Variants in OXCT1 observed in about 807,000 individuals in gnomAD.
The protein encoded by OXCT1 is succinyl-CoA:3-ketoacid coenzyme A transferase 1, mitochondrial.
Under a neutral mutation model 69.6 loss-of-function variants are expected in OXCT1, and 27 were observed. The ratio of observed to expected loss-of-function variants is 0.39; its 90% CI spans 0.29 to 0.54. The LOEUF (loss-of-function observed/expected upper bound fraction) is 0.54, where lower values mean the gene tolerates loss of function less well. Ranked by LOEUF, OXCT1 falls within the 20% of genes least tolerant of loss-of-function variation. OXCT1 has a pLI of 0.72. For synonymous variants in OXCT1, 202 were observed against 217.8 expected, an observed-to-expected ratio of 0.93 and a Z score of 0.64; for missense variants, 437 against 650.2, an observed-to-expected ratio of 0.67 and a Z score of 3.57.
intron 7 of OXCT1, among the ~76,000 whole-genome samples, chr5:41,837,357 T>C (rs552959244): frequency 7.2e-5 from 11 of 152,052 alleles, no homozygotes; most frequent in East Asian, 1.9e-4. Context: ...GTCACACTGT[T>C]ATGCCTCCCA....
intron 5 of OXCT1, among the ~76,000 whole-genome samples, chr5:41,844,918 C>T (rs1266368777): frequency 6.6e-6 from 1 of 150,474 alleles, no homozygotes; most frequent in Non-Finnish European, 1.5e-5. Flanking sequence ...CCCTCTCTCG[C>T]TGCTTCTGCT....
chr5:41,807,345 C>A lies in OXCT1; in HGVS notation c.826G>T (p.Glu276Ter). ...VHRLIKGEKY[E>*]KRIERLSIRK... ...AAGTCAATTACCTCAATTCTTTTCT[C>A]ATATTTTTCTCCCTTTATAAGGCGA... is the stretch of plus-strand genomic sequence containing the variant. Residue 276 changes from glutamate to a stop codon, truncating the protein, a stop_gained, in exon 8 of 17, where the codon GAG becomes TAG. Coordinates refer to ENST00000196371, the MANE Select transcript of OXCT1 (RefSeq NM_000436.4). LOFTEE classifies it high-confidence loss of function. 1 of 1,556,404 alleles carries A rather than the reference C, an allele frequency of 6.4e-7. No individual in the cohort carries two copies. Among genetic ancestry groups the A allele is most frequent in the South Asian group, 1.1e-5 (1 of 89,936 alleles).
chr5:41,851,333 C>T (rs1749163262), intron 4 of OXCT1, among the ~76,000 whole-genome samples: 1 of 152,152 alleles, frequency 6.6e-6, no homozygotes, highest in Non-Finnish European at 1.5e-5. Flanking sequence ...GAAAATCTTC[C>T]AGATAACTGA....
intron 13 of OXCT1, among the ~76,000 whole-genome samples, chr5:41,782,163 G>T: frequency 6.7e-6 from 1 of 149,346 alleles, no homozygotes; most frequent in Admixed American, 6.7e-5. Flanking sequence ...ACTGGAGTGA[G>T]ATGGTATCTC....
At position 41,744,598 on chromosome 5, in the gene OXCT1, G is replaced by C. The variant is rs537459262; in HGVS notation, c.1419+4929C>G. ...CCCATTCAGTATGATATTGGCTGTG[G>C]GTTTGTCATAGATAGCTCTTATTAT... On this transcript the variant is annotated intron_variant, in intron 15 of 16. Coordinates refer to ENST00000196371, the MANE Select transcript of OXCT1 (RefSeq NM_000436.4). Among the ~76,000 whole-genome samples the C allele has an allele frequency of 1.0e-3, 159 of 152,114 alleles. 1 individual carries two copies. The highest frequency in any genetic ancestry group is 0.01 in the Middle Eastern group (3 of 294).
At chr5:41,864,741 C>A (rs1749886149) in intron 1 of OXCT1, among the ~76,000 whole-genome samples, 1 of 152,172 alleles carries the variant, frequency 6.6e-6, no homozygotes, top group African/African-American at 2.4e-5. Flanking sequence ...CAGGGCCTTT[C>A]TACTACAATA....
At chr5:41,830,425 A>G (rs1057305930) in intron 7 of OXCT1, among the ~76,000 whole-genome samples, 1 of 152,222 alleles carries the variant, frequency 6.6e-6, no homozygotes, top group African/African-American at 2.4e-5. Flanking sequence ...GATTAGGAAC[A>G]GTTTTTTGCT....
intron 7 of OXCT1, among the ~76,000 whole-genome samples, chr5:41,813,521 C>T (rs1161029985): frequency 6.6e-6 from 1 of 152,032 alleles, no homozygotes; most frequent in East Asian, 1.9e-4. Context: ...CAGCCTAGAC[C>T]CCTGCTCTAA....
chr5:41,834,114 C>T (rs1438784845), intron 7 of OXCT1, among the ~76,000 whole-genome samples: 4 of 151,746 alleles, frequency 2.6e-5, no homozygotes, highest in Non-Finnish European at 5.9e-5. Flanking sequence ...ATAAGACAGT[C>T]TTTTCAAGCC....
At chr5:41,854,349 G>A (rs1015531704) in intron 3 of OXCT1, among the ~76,000 whole-genome samples, 1 of 152,042 alleles carries the variant, frequency 6.6e-6, no homozygotes, top group Non-Finnish European at 1.5e-5. Context: ...ATTGGGTGAA[G>A]GTCTCCAGGT....
intron 7 of OXCT1, among the ~76,000 whole-genome samples, chr5:41,831,438 C>G (rs1748092555): frequency 1.3e-5 from 2 of 152,146 alleles, no homozygotes; most frequent in Non-Finnish European, 2.9e-5. Context: ...CCTTTTCATG[C>G]TTTGTTTTTC....
chr5:41,743,129 C>A (rs888282802), intron 15 of OXCT1, among the ~76,000 whole-genome samples: 3 of 152,228 alleles, frequency 2.0e-5, no homozygotes, highest in Non-Finnish European at 4.4e-5. Flanking sequence ...TCCACATCCT[C>A]TCCAGCACCT....
At chr5:41,805,727 T>C (rs776031306) in intron 8 of OXCT1, 46 bp from the exon 9 acceptor site, 2 of 1,264,678 alleles carry the variant, frequency 1.6e-6, no homozygotes, top group Non-Finnish European at 2.3e-6. Context: ...AGGTATGCTT[T>C]GTATTTTATC....
intron 13 of OXCT1, among the ~76,000 whole-genome samples, chr5:41,772,285 T>C (rs1262943366): frequency 6.6e-6 from 1 of 151,610 alleles, no homozygotes; most frequent in African/African-American, 2.4e-5. Context: ...TCCCACTGTC[T>C]GCAAAGCTCT....
chr5:41,859,884 TATG>T (rs1749647255), intron 3 of OXCT1, among the ~76,000 whole-genome samples: 3 of 117,870 alleles, frequency 2.5e-5, no homozygotes, highest in Non-Finnish European at 5.8e-5. Context: ...TATATATATA[TATG>T]TAATATATAT....
At chr5:41,843,814 G>C (rs572069069) in intron 5 of OXCT1, among the ~76,000 whole-genome samples, 1 of 152,120 alleles carries the variant, frequency 6.6e-6, no homozygotes, top group Admixed American at 6.5e-5. Context: ...TTAAATAAAG[G>C]CTACTTTAAA....
Position 41,803,042 on chromosome 5 carries a change from AT to A in OXCT1, c.1050+26del, listed in dbSNP as rs767617766. On this transcript the variant is annotated intron_variant, in intron 10 of 16. Coordinates refer to ENST00000196371, the MANE Select transcript of OXCT1 (RefSeq NM_000436.4). Reference sequence around the variant, plus strand: ...ATATCTCATTCTTCATTAAGACTGGATTTTAGAAAACAAATTTTCATCTTAC... The same window carrying A: ...ATATCTCATTCTTCATTAAGACTGGATTTAGAAAACAAATTTTCATCTTAC... 5.3e-6 allele frequency: 8 copies of A among 1,496,946 alleles called. No homozygotes were observed. The South Asian group carries it at 7.9e-5, about 15-fold the overall frequency. 92.7% of individuals were successfully genotyped at this position (1,496,946 alleles called of 1,614,324 possible). A position where few individuals can be genotyped will look rare whatever the true frequency, so the allele number is the denominator to read the frequency against.
At chr5:41,808,302 C>A (rs1746787513) in intron 7 of OXCT1, among the ~76,000 whole-genome samples, 1 of 152,026 alleles carries the variant, frequency 6.6e-6, no homozygotes, top group East Asian at 1.9e-4. Flanking sequence ...TTAACAGATA[C>A]AGTGTCCAAA....
chr5:41,856,896 T>G (rs1020422977), intron 3 of OXCT1, among the ~76,000 whole-genome samples: 1 of 152,200 alleles, frequency 6.6e-6, no homozygotes, highest in Non-Finnish European at 1.5e-5. Context: ...TTACTCTCAA[T>G]GCACACAATG....
Sources: allele counts gnomAD v4.1 joint callset (sites outside exome capture counted in the v4.1 genomes callset), GRCh38; gene constraint gnomAD v4.1.1; transcripts MANE v1.5; gene names NCBI Gene and HGNC (gene_info 2026-07-23, HGNC 2026-07-21).